KRT37: variants seen among roughly 807,000 people sequenced by gnomAD.
KRT37 encodes the protein keratin, type I cuticular Ha7.
A neutral mutation model predicts 41.9 loss-of-function variants in KRT37; 38 were observed. The observed-to-expected ratio is 0.91, with a 90% CI of 0.70 to 1.19. KRT37 has a LOEUF of 1.19. KRT37 is among the 50% of genes most tolerant of loss of function. The pLI is 0.00. For synonymous variants in KRT37, 252 were observed against 243.4 expected (o/e 1.04, Z -0.33); for missense variants, 580 against 575.5 (o/e 1.01, Z -0.08).
rs753449763 is a variant in KRT37 at position 41,424,547 on chromosome 17, G to C, written c.-24C>G. On this transcript the variant is annotated 5_prime_UTR_variant, in exon 1 of 7. Coordinates refer to ENST00000225550, the MANE Select transcript of KRT37 (RefSeq NM_003770.5). ...ATGGTGTAGGGCTGAGGCTGCACAGGAGCTTCAGATCAGCTGGGAAGGCTG... is the reference window on the plus strand; with the variant it reads ...ATGGTGTAGGGCTGAGGCTGCACAGCAGCTTCAGATCAGCTGGGAAGGCTG... The C allele has an allele frequency of 6.5e-7, 1 of 1,538,584 alleles. No individual in the cohort carries two copies. Among genetic ancestry groups the C allele is most frequent in the Non-Finnish European group, 8.8e-7 (1 of 1,140,484 alleles).
intron 3 of KRT37, 26 bp from the exon 4 acceptor site, chr17:41,422,460 C>G (rs2018554421): frequency 6.2e-7 from 1 of 1,612,050 alleles, no homozygotes. Context: ...CGATAGACAG[C>G]CTGCGTAAGG....
At chr17:41,421,240 C>T in intron 6 of KRT37, 127 bp downstream of exon 6, 1 of 1,025,214 alleles carries the variant, frequency 9.8e-7, no homozygotes, top group Non-Finnish European at 1.5e-6. Flanking sequence ...GTTAATGAGT[C>T]ACTGAGCAAG....
intron 2 of KRT37, chr17:41,423,204 C>A: frequency 2.5e-6 from 1 of 397,932 alleles, no homozygotes; most frequent in African/African-American, 2.1e-5. Flanking sequence ...AGTGTTCTGA[C>A]TTCAAATGCA....
At chr17:41,421,227 G>A (rs2018534840) in intron 6 of KRT37, 140 bp downstream of exon 6, 9 of 928,248 alleles carry the variant, frequency 9.7e-6, no homozygotes, top group Non-Finnish European at 1.5e-5. Flanking sequence ...CAGACCAGGA[G>A]AGGTTAATGA....
intron 6 of KRT37, 96 bp from the exon 7 acceptor site, chr17:41,421,082 A>G: frequency 1.1e-6 from 1 of 925,896 alleles, no homozygotes; most frequent in Admixed American, 2.1e-5. Flanking sequence ...GCCACCAACA[A>G]GGCACACAGA....
At chr17:41,421,817 G>T (rs1387487388) in intron 5 of KRT37, among the ~76,000 whole-genome samples, 1 of 152,184 alleles carries the variant, frequency 6.6e-6, no homozygotes. Flanking sequence ...CAAAAAGCAG[G>T]CACCTCGTAA....
At chr17:41,423,532 A>C (rs1335644767) in intron 2 of KRT37, 1 of 494,262 alleles carries the variant, frequency 2.0e-6, no homozygotes, top group Non-Finnish European at 3.5e-6. Context: ...AAAGTGACAT[A>C]GGTTCTAACC....
chr17:41,420,889 T>A lies in KRT37; in HGVS notation c.1339A>T (p.Met447Leu). 1.2e-6 allele frequency: 2 copies of A among 1,611,656 alleles called. No homozygotes were observed. Among genetic ancestry groups the A allele is most frequent in the Non-Finnish European group, 1.7e-6 (2 of 1,177,972 alleles). The change falls in exon 7 of 7, where the codon ATG (methionine) becomes TTG (leucine). Residue 447 changes from methionine to leucine, a missense_variant. Transcript: ENST00000225550. The part of the protein sequence containing the change: ...GGSPSGHGAS[M>L]GR ...TCGGGCCTTCAGAATCATCTCCCCA[T>A]GCTGGCTCCATGGCCAGAGGGAGAC...
chr17:41,424,052 T>C lies in KRT37; in HGVS notation c.472A>G (p.Ile158Val). The C allele has an allele frequency of 5.0e-6, 8 of 1,613,492 alleles. No individual in the cohort carries two copies. Among genetic ancestry groups the C allele is most frequent in the African/African-American group, 1.3e-5 (1 of 75,032 alleles). The change falls in exon 1 of 7, where the codon ATC becomes GTC. Residue 158 changes from isoleucine to valine, a missense_variant. Transcript: ENST00000225550. ...CPDYQSYFRT[I>V]EELQQKILCS... ...CTCACCTTCTGCTGGAGCTCCTCGA[T>C]TGTACGGAAGTAGGACTGGTAGTCG...
At position 41,424,566 on chromosome 17, in the gene KRT37, A is replaced by C. The variant is rs2018590748; in HGVS notation, c.-43T>G. ...GCACAGGAGCTTCAGATCAGCTGGG[A>C]AGGCTGAGCCACTGAGACTGAAGCC... On this transcript the variant is annotated 5_prime_UTR_variant, in exon 1 of 7. Transcript: ENST00000225550. 6.6e-7 allele frequency: 1 copy of C among 1,525,582 alleles called. No individual in the cohort carries two copies. The highest frequency in any genetic ancestry group is 1.4e-5 in the African/African-American group (1 of 72,512). 94.5% of individuals were successfully genotyped at this position (1,525,582 alleles called of 1,614,324 possible).
chr17:41,422,029 A>G, intron 5 of KRT37, 40 bp downstream of exon 5: 1 of 1,613,592 alleles, frequency 6.2e-7, no homozygotes, highest in Non-Finnish European at 8.5e-7. Flanking sequence ...AGGACATGGC[A>G]TGGGGCATTT....
chr17:41,424,107 C>G lies in KRT37; in HGVS notation c.417G>C (p.Arg139Ser). Residue 139 changes from arginine (R) to serine (S), a missense_variant, in exon 1 of 7, where the codon AGG becomes AGC. Coordinates refer to ENST00000225550, the MANE Select transcript of KRT37 (RefSeq NM_003770.5). ...NAELETTLLE[R>S]SKCHESTVCP... ...ACACGGTGGACTCGTGGCACTTGCT[C>G]CTCTCGAGGAGTGTGGTCTCCAGCT... 2 of 1,614,228 alleles carry G rather than the reference C, an allele frequency of 1.2e-6. No homozygotes were observed. The highest frequency in any genetic ancestry group is 2.7e-5 in the African/African-American group (2 of 75,054).
rs774510127 is a variant in KRT37, at chr17:41,422,158, C to T, written c.931G>A (p.Glu311Lys). ...GISLQAMSCS[E>K]ELQCCQSEIL... Reference sequence around the variant, plus strand: ...TCCGACTGGCAGCACTGCAGCTCCTCGGAGCAGGACATGGCCTGCAGGCTG... The same window carrying T: ...TCCGACTGGCAGCACTGCAGCTCCTTGGAGCAGGACATGGCCTGCAGGCTG... The change falls in exon 5 of 7, where the codon GAG (glutamate) becomes AAG (lysine). Residue 311 changes from glutamate (E) to lysine (K), a missense_variant. Transcript: ENST00000225550. 29 of 1,614,032 alleles carry T rather than the reference C, an allele frequency of 1.8e-5. No homozygotes were observed. The highest frequency in any genetic ancestry group is 1.2e-4 in the African/African-American group (9 of 74,904).
Position 41,422,184 on chromosome 17 carries a change from A to T in KRT37, c.905T>A (p.Ile302Asn), listed in dbSNP as rs367742200. The change falls in exon 5 of 7, where the codon ATC (isoleucine) becomes AAC (asparagine). Residue 302 changes from isoleucine to asparagine, a missense_variant. Transcript: ENST00000225550. ...EQWFQAQSEG[I>N]SLQAMSCSEE... ...GGAGCAGGACATGGCCTGCAGGCTG[A>T]TGCCTTCAGACTGGAGCACAGAGAA... 1 of 1,614,122 alleles carries T rather than the reference A, an allele frequency of 6.2e-7. No individual in the cohort carries two copies. Among genetic ancestry groups the T allele is most frequent in the Non-Finnish European group, 8.5e-7 (1 of 1,180,026 alleles).
chr17:41,421,843 G>C (rs1361432759), intron 5 of KRT37, among the ~76,000 whole-genome samples: 1 of 152,208 alleles, frequency 6.6e-6, no homozygotes, highest in Non-Finnish European at 1.5e-5. Context: ...TGTGGAGTGA[G>C]TGCCTGAACT....
rs1009518651 is a variant in KRT37 at position 41,420,923 on chromosome 17, G to C, written c.1305C>G (p.Val435=). 1 of 1,614,080 alleles carries C rather than the reference G, an allele frequency of 6.2e-7. No individual in the cohort carries two copies. The highest frequency in any genetic ancestry group is 1.3e-5 in the African/African-American group (1 of 75,056). ...CATGGCCAGAGGGAGACCCACCGGT[G>C]ACAGGGCCACAGCTTGGACAAGAAG... ...SCTSCPSCGP[V]TGGSPSGHGA... The change falls in exon 7 of 7, where the codon GTC becomes GTG. Residue 435 remains valine (V), a synonymous_variant. Coordinates refer to ENST00000225550, the MANE Select transcript of KRT37 (RefSeq NM_003770.5).
In KRT37 at chr17:41,424,185, G is replaced by A. The variant is rs2018582485; in HGVS notation, c.339C>T (p.Asp113=). The change falls in exon 1 of 7, where the codon GAC becomes GAT. Residue 113 remains aspartate, a synonymous_variant. Transcript: ENST00000225550. The part of the protein sequence containing the change: ...HEKETMKFLN[D]RLANYLEKVR... The stretch of plus-strand genomic sequence containing the variant: ...CCTTCTCCAGGTAGTTGGCCAGGCG[G>A]TCATTCAGGAACTTCATGGTCTCCT... 1.2e-6 allele frequency: 2 copies of A among 1,614,240 alleles called. No individual in the cohort carries two copies. The highest frequency in any genetic ancestry group is 1.7e-6 in the Non-Finnish European group (2 of 1,180,044).
At position 41,424,193 on chromosome 17, in the gene KRT37, G is replaced by A. The variant is rs144310321; in HGVS notation, c.331C>T (p.Leu111=). The A allele has an allele frequency of 3.7e-6, 6 of 1,614,240 alleles. No individual in the cohort carries two copies. The highest frequency in any genetic ancestry group is 4.2e-6 in the Non-Finnish European group (5 of 1,180,040). Residue 111 remains leucine (L), a synonymous_variant, in exon 1 of 7, where the codon CTG becomes TTG. Coordinates refer to ENST00000225550, the MANE Select transcript of KRT37 (RefSeq NM_003770.5). ...NGHEKETMKF[L]NDRLANYLEK... is the part of the protein sequence containing the mutation. ...AGGTAGTTGGCCAGGCGGTCATTCAGGAACTTCATGGTCTCCTTCTCATGG... is the reference window on the plus strand; with the variant it reads ...AGGTAGTTGGCCAGGCGGTCATTCAAGAACTTCATGGTCTCCTTCTCATGG...
rs557914406 is a variant in KRT37, at chr17:41,421,512, T to G, written c.1096A>C (p.Ile366Leu). The G allele has an allele frequency of 1.9e-5, 30 of 1,614,214 alleles. No individual in the cohort carries two copies. The South Asian group carries it at 3.2e-4, about 17-fold the overall frequency. ...GTELAQMQSL[I>L]SNLEEQLSEI... The stretch of plus-strand genomic sequence containing the variant: ...GACAACTGCTCTTCCAAGTTGCTAA[T>G]GAGGCTCTGCATCTGGGCCAGCTCT... The change falls in exon 6 of 7, where the codon ATT becomes CTT. Residue 366 changes from isoleucine to leucine, a missense_variant. Coordinates refer to ENST00000225550, the MANE Select transcript of KRT37 (RefSeq NM_003770.5).
Sources: gnomAD v4.1 joint callset for allele counts (sites outside exome capture counted in the v4.1 genomes callset) on GRCh38, gnomAD v4.1.1 for gene constraint, MANE v1.5 for transcripts, NCBI Gene and HGNC (gene_info 2026-07-23, HGNC 2026-07-21) for gene names.